The following SPTAN1 variants were observed in gnomAD, a reference collection of about 807,000 sequenced individuals.
SPTAN1 encodes the protein spectrin alpha chain, non-erythrocytic 1.
In SPTAN1, 61 loss-of-function variants were observed where a neutral mutation model predicts 331.3. That is an observed-to-expected ratio of 0.18 (90% CI 0.15 to 0.23). SPTAN1 has a LOEUF of 0.23. SPTAN1 is among the 10% of genes least tolerant of loss of function. The probability of loss-of-function intolerance (pLI) is 1.00; values close to 1 mark genes in which losing one functional copy is unlikely to be tolerated. For missense variants in SPTAN1, 2,043 were observed against 3,147.9 expected, an observed-to-expected ratio of 0.65 and a Z score of 8.40; for synonymous variants, 1,153 against 1,173.9, an observed-to-expected ratio of 0.98 and a Z score of 0.36.
intron 3 of SPTAN1, among the ~76,000 whole-genome samples, chr9:128,573,337 A>G (rs1396400573): frequency 2.0e-5 from 3 of 152,224 alleles, no homozygotes; most frequent in African/African-American, 7.2e-5. Flanking sequence ...ACTTGGGTGA[A>G]GTTTGGAATA....
At chr9:128,575,653 G>A (rs914442796) in intron 5 of SPTAN1, among the ~76,000 whole-genome samples, 1 of 152,188 alleles carries the variant, frequency 6.6e-6, no homozygotes, top group Non-Finnish European at 1.5e-5. Flanking sequence ...TTTCTCAGAC[G>A]AGGGTGTGGT....
At chr9:128,575,789 C>T (rs1418103815) in intron 5 of SPTAN1, among the ~76,000 whole-genome samples, 4 of 152,146 alleles carry the variant, frequency 2.6e-5, no homozygotes, top group Admixed American at 2.6e-4. Flanking sequence ...AATAGGCTCT[C>T]CACTCTGGCG....
intron 23 of SPTAN1, 26 bp from the exon 24 acceptor site, chr9:128,594,149 C>T (rs1249049814): frequency 4.3e-6 from 7 of 1,613,372 alleles, no homozygotes; most frequent in East Asian, 4.5e-5. Context: ...CCTTGTCCCT[C>T]TTGTCACCCT....
intron 2 of SPTAN1, among the ~76,000 whole-genome samples, chr9:128,567,419 GTTGCTGGGA>G (rs1850162411): frequency 6.6e-6 from 1 of 152,068 alleles, no homozygotes; most frequent in South Asian, 2.1e-4. Context: ...AGCCTCCCAG[GTTGCTGGGA>G]TTACAGGCGC....
rs975782432 is a variant in SPTAN1 at position 128,604,260 on chromosome 9, C to A, written c.3628-66C>A. On this transcript the variant is annotated intron_variant, in intron 28 of 56. Transcript: ENST00000372739. ...TCTCCTTCAAACAAAGTCATTTTCC[C>A]AAAGTCTGACTGGGGGCATGACAGG... 44 of 1,535,538 alleles carry A rather than the reference C, an allele frequency of 2.9e-5. No individual in the cohort carries two copies. In the African/African-American group the frequency reaches 5.6e-4, roughly 19 times the overall value.
chr9:128,619,805 C>G (rs1442076304), intron 44 of SPTAN1, among the ~76,000 whole-genome samples: 1 of 152,230 alleles, frequency 6.6e-6, no homozygotes, highest in Non-Finnish European at 1.5e-5. Flanking sequence ...TACATAACAA[C>G]CCGCCTAAAT....
intron 5 of SPTAN1, among the ~76,000 whole-genome samples, chr9:128,575,838 T>A (rs368931647): frequency 1.6e-4 from 24 of 152,166 alleles, no homozygotes; most frequent in African/African-American, 5.8e-4. Context: ...CCTTCCCCAG[T>A]GCCCACGTGT....
At chr9:128,630,458 G>T in intron 52 of SPTAN1, 83 bp downstream of exon 52, 1 of 1,404,470 alleles carries the variant, frequency 7.1e-7, no homozygotes, top group Non-Finnish European at 1.0e-6. Flanking sequence ...CTGGCTTAAA[G>T]TCAGGAACCA....
In SPTAN1 at chr9:128,627,845, GTCT is replaced by G. The variant is rs1859005274; in HGVS notation, c.6690-76_6690-74del. On this transcript the variant is annotated intron_variant, in intron 50 of 56. Coordinates refer to ENST00000372739, the MANE Select transcript of SPTAN1 (RefSeq NM_001130438.3). This position sits in a 1 kb window ranked among gnomAD's most constrained non-coding sequence, Gnocchi z 4.9. ...GCTTTTGTTTTCCTTTCTTTCTTGT[GTCT>G]TCTCTCTGTCCCCCCGATTGCTGCT... The G allele has an allele frequency of 2.0e-6, 3 of 1,532,346 alleles. No homozygotes were observed. The highest frequency in any genetic ancestry group is 2.7e-6 in the Non-Finnish European group (3 of 1,105,678). The allele number at this position is 1,532,346 out of a possible 1,614,324, so 94.9% of individuals were successfully genotyped here. A position where few individuals can be genotyped will look rare whatever the true frequency, so the allele number is the denominator to read the frequency against.
At chr9:128,613,865 C>T (rs1352799210) in intron 40 of SPTAN1, among the ~76,000 whole-genome samples, 2 of 151,900 alleles carry the variant, frequency 1.3e-5, no homozygotes, top group African/African-American at 2.4e-5. Context: ...ATTAGCCGGG[C>T]GTGGTGGTGG....
Position 128,560,228 on chromosome 9 carries a change from C to T in SPTAN1, c.-3-6510C>T, listed in dbSNP as rs952287022. Among the ~76,000 whole-genome samples, 13 of 151,938 alleles carry T rather than the reference C, an allele frequency of 8.6e-5. No individual in the cohort carries two copies. The East Asian group carries it at 1.6e-3, about 18-fold the overall frequency. On this transcript the variant is annotated intron_variant, in intron 1 of 56. Coordinates refer to ENST00000372739, the MANE Select transcript of SPTAN1 (RefSeq NM_001130438.3). Reference sequence around the variant, plus strand: ...CCTCCCAAGTAGCTGGGATTACAGGCGCACGCCGCCACACCTGGCTAATTT... The same window carrying T: ...CCTCCCAAGTAGCTGGGATTACAGGTGCACGCCGCCACACCTGGCTAATTT...
At chr9:128,579,137 A>G (rs924960509) in intron 9 of SPTAN1, among the ~76,000 whole-genome samples, 2 of 152,216 alleles carry the variant, frequency 1.3e-5, no homozygotes, top group Admixed American at 6.5e-5. Flanking sequence ...CCACCAGGAT[A>G]TATACCGTTA....
At chr9:128,578,802 C>T (rs546304880) in intron 9 of SPTAN1, among the ~76,000 whole-genome samples, 9 of 146,854 alleles carry the variant, frequency 6.1e-5, no homozygotes, top group Non-Finnish European at 1.3e-4. Flanking sequence ...CCACTCCCGT[C>T]CGGACAACAA....
intron 1 of SPTAN1, among the ~76,000 whole-genome samples, chr9:128,554,251 T>A (rs1848419956): frequency 1.3e-5 from 2 of 152,200 alleles, no homozygotes; most frequent in African/African-American, 4.8e-5. Flanking sequence ...TGCTTCATCC[T>A]GGACAAGTGT....
At chr9:128,608,847 T>C in intron 34 of SPTAN1, 27 bp from the exon 35 acceptor site, 3 of 1,610,856 alleles carry the variant, frequency 1.9e-6, no homozygotes, top group Non-Finnish European at 2.5e-6. Context: ...AGGCCCACCT[T>C]GATCTCATGC....
At chr9:128,588,091 A>G (rs1374136560) in intron 20 of SPTAN1, among the ~76,000 whole-genome samples, 1 of 145,020 alleles carries the variant, frequency 6.9e-6, no homozygotes, top group East Asian at 2.0e-4. Context: ...TCTGCCTCCC[A>G]GGTTGAAGCA....
At position 128,625,725 on chromosome 9, in the gene SPTAN1, G is replaced by T. The variant is rs772272532; in HGVS notation, c.6070-44G>T. ...CTGAGCCTAGGAAGAGCAAGTTCCA[G>T]TCCTGTGGAGTCACCACAAATTGGC... On this transcript the variant is annotated intron_variant, in intron 47 of 56. Transcript: ENST00000372739. The surrounding 1 kb of genome is among the most constrained non-coding windows in gnomAD (Gnocchi z 4.1). The T allele has an allele frequency of 6.3e-7, 1 of 1,585,236 alleles. No individual in the cohort carries two copies. The highest frequency in any genetic ancestry group is 8.6e-7 in the Non-Finnish European group (1 of 1,156,182).
At chr9:128,593,083 G>A in intron 23 of SPTAN1, 41 bp downstream of exon 23, 1 of 1,581,870 alleles carries the variant, frequency 6.3e-7, no homozygotes, top group East Asian at 2.3e-5. Flanking sequence ...AATGTCCACT[G>A]CTACCCTATC....
At chr9:128,598,584 C>A in intron 25 of SPTAN1, 80 bp downstream of exon 25, 1 of 1,189,150 alleles carries the variant, frequency 8.4e-7, no homozygotes, top group Non-Finnish European at 1.2e-6. Context: ...CATAGCCCAA[C>A]AAGCAGTGTT....
Sources: gnomAD v4.1 joint callset for allele counts (sites outside exome capture counted in the v4.1 genomes callset) on GRCh38, gnomAD v4.1.1 for gene constraint, Gnocchi (gnomAD v3.1) non-coding constraint, MANE v1.5 for transcripts, NCBI Gene and HGNC (gene_info 2026-07-23, HGNC 2026-07-21) for gene names.